OXSR1: variants seen among roughly 807,000 people sequenced by gnomAD.
The protein encoded by OXSR1 is oxidative stress responsive kinase 1.
In OXSR1, 24 loss-of-function variants were observed where a neutral mutation model predicts 79.8. The observed-to-expected ratio is 0.30, with a 90% CI of 0.22 to 0.42. The LOEUF (loss-of-function observed/expected upper bound fraction) is 0.42. Ranked by LOEUF, OXSR1 falls within the 10% of genes least tolerant of loss-of-function variation. OXSR1 has a pLI of 1.00. For missense variants in OXSR1, 430 were observed against 618.4 expected (o/e 0.70, Z 3.23); for synonymous variants, 226 against 209.2 (o/e 1.08, Z -0.69).
upstream of OXSR1, chr3:38,165,294 T>A (rs1193188708): frequency 6.5e-6 from 1 of 152,696 alleles, no homozygotes; most frequent in Non-Finnish European, 1.5e-5. Context: ...CCATGCTTAG[T>A]GTGGCTACTG....
At chr3:38,190,330 GA>G (rs1229718499) in intron 2 of OXSR1, among the ~76,000 whole-genome samples, 3 of 150,338 alleles carry the variant, frequency 2.0e-5, no homozygotes, top group East Asian at 2.0e-4. Flanking sequence ...ATTTTGCAAA[GA>G]AAAAAAAATC....
chr3:38,230,093 G>A (rs948758193), intron 9 of OXSR1, among the ~76,000 whole-genome samples: 2 of 152,126 alleles, frequency 1.3e-5, no homozygotes, highest in Non-Finnish European at 2.9e-5. Flanking sequence ...AGTTGGAAAT[G>A]TAGGACCATG....
At position 38,244,250 on chromosome 3, in the gene OXSR1, C is replaced by A. The variant is rs1262656282; in HGVS notation, c.1110+1472C>A. Among the ~76,000 whole-genome samples, 3 of 152,068 alleles carry A rather than the reference C, an allele frequency of 2.0e-5. No individual in the cohort carries two copies. In the East Asian group the frequency reaches 5.8e-4, roughly 29 times the overall value. ...ACTCTTGCATACTCATATTCTCATG[C>A]TCATTACTTTGTTTTTAAATTTGCG... is the stretch of plus-strand genomic sequence containing the variant. On this transcript the variant is annotated intron_variant, in intron 12 of 17. Coordinates refer to ENST00000311806, the MANE Select transcript of OXSR1 (RefSeq NM_005109.3).
chr3:38,173,347 T>C (rs1701619031), intron 1 of OXSR1, among the ~76,000 whole-genome samples: 1 of 152,214 alleles, frequency 6.6e-6, no homozygotes, highest in South Asian at 2.1e-4. Context: ...AGTTAATAAA[T>C]GTTAGCTTTA....
intron 3 of OXSR1, among the ~76,000 whole-genome samples, chr3:38,194,766 T>G (rs796768207): frequency 2.6e-5 from 4 of 152,076 alleles, no homozygotes; most frequent in African/African-American, 9.6e-5. Flanking sequence ...AAGCAAAGAC[T>G]CCCAAAATTA....
Position 38,165,741 on chromosome 3 carries a change from G to A in OXSR1, c.-136G>A. 1.3e-6 allele frequency: 1 copy of A among 749,958 alleles called. No homozygotes were observed. The highest frequency in any genetic ancestry group is 2.1e-6 in the Non-Finnish European group (1 of 473,268). The allele number at this position is 749,958 out of a possible 1,614,324, so 46.5% of individuals were successfully genotyped here. A position where few individuals can be genotyped will look rare whatever the true frequency, so the allele number is the denominator to read the frequency against. Reference sequence around the variant, plus strand: ...GTGACCCCGCGCCCCGGCGCCGTCCGACCCGTGGCTGTTCCGAGACGATTG... The same window carrying A: ...GTGACCCCGCGCCCCGGCGCCGTCCAACCCGTGGCTGTTCCGAGACGATTG... On this transcript the variant is annotated 5_prime_UTR_variant, in exon 1 of 18. Transcript: ENST00000311806.
At chr3:38,178,636 T>C (rs1701723274) in intron 1 of OXSR1, among the ~76,000 whole-genome samples, 2 of 141,630 alleles carry the variant, frequency 1.4e-5, no homozygotes, top group African/African-American at 5.2e-5. Context: ...TTTTTTTTTT[T>C]TTTTTCTTTT....
chr3:38,171,803 C>T (rs191930873), intron 1 of OXSR1, among the ~76,000 whole-genome samples: 5 of 152,072 alleles, frequency 3.3e-5, no homozygotes, highest in Non-Finnish European at 7.4e-5. Context: ...TTTTTGAGCC[C>T]TTAGTCTTAG....
intron 2 of OXSR1, among the ~76,000 whole-genome samples, chr3:38,185,311 A>G (rs1203192870): frequency 3.9e-5 from 6 of 152,322 alleles, no homozygotes; most frequent in Non-Finnish European, 8.8e-5. Context: ...AGGGCCAGGC[A>G]CAGTGGCTTA....
At chr3:38,252,206 G>A (rs1396308120) in intron 16 of OXSR1, 122 bp from the exon 17 acceptor site, 1 of 736,410 alleles carries the variant, frequency 1.4e-6, no homozygotes, top group Non-Finnish European at 2.5e-6. Context: ...TATTTGATCT[G>A]TCTGCTTCCA....
rs562047588 is a variant in OXSR1 at position 38,198,941 on chromosome 3, G to C, written c.434+78G>C. On this transcript the variant is annotated intron_variant, in intron 4 of 17. Transcript: ENST00000311806. ...ACTCTTTTACAGAATCGTGATCTCTGACTGTTATCATAGCTCTTTGTATCA... is the reference window on the plus strand; with the variant it reads ...ACTCTTTTACAGAATCGTGATCTCTCACTGTTATCATAGCTCTTTGTATCA... 2.3e-4 allele frequency: 280 copies of C among 1,239,584 alleles called. 1 individual carries two copies. The East Asian group carries it at 4.5e-3, about 20-fold the overall frequency. 76.8% of individuals were successfully genotyped at this position (1,239,584 alleles called of 1,614,324 possible). A position where few individuals can be genotyped will look rare whatever the true frequency, so the allele number is the denominator to read the frequency against.
intron 10 of OXSR1, among the ~76,000 whole-genome samples, chr3:38,235,177 A>G (rs1432949624): frequency 6.6e-6 from 1 of 152,228 alleles, no homozygotes; most frequent in Non-Finnish European, 1.5e-5. Context: ...TGATGGTTGC[A>G]CAACTTTGAA....
intron 11 of OXSR1, among the ~76,000 whole-genome samples, chr3:38,237,398 A>G (rs1221603611): frequency 6.6e-6 from 1 of 152,176 alleles, no homozygotes; most frequent in Non-Finnish European, 1.5e-5. Flanking sequence ...TGTTTCCTAA[A>G]AACAGTGAAG....
chr3:38,247,772 G>A (rs1212672531), intron 14 of OXSR1, 40 bp downstream of exon 14: 5 of 1,348,640 alleles, frequency 3.7e-6, no homozygotes, highest in Admixed American at 3.4e-5. Context: ...TTTGTTTTCT[G>A]AATATTCTGC....
intron 2 of OXSR1, among the ~76,000 whole-genome samples, chr3:38,188,476 C>T (rs1178231086): frequency 2.0e-5 from 3 of 152,186 alleles, no homozygotes; most frequent in Admixed American, 6.5e-5. Flanking sequence ...GTACAGTAAT[C>T]AGAACTGATA....
chr3:38,194,941 T>A (rs1467957204), intron 3 of OXSR1, among the ~76,000 whole-genome samples: 25 of 152,214 alleles, frequency 1.6e-4, no homozygotes, highest in Admixed American at 1.6e-3. Flanking sequence ...ATAGTGAGTG[T>A]CACTCTTACC....
At chr3:38,194,098 G>C (rs1702031971) in intron 3 of OXSR1, among the ~76,000 whole-genome samples, 2 of 152,122 alleles carry the variant, frequency 1.3e-5, no homozygotes, top group Non-Finnish European at 2.9e-5. Flanking sequence ...AATACTTATT[G>C]ATCTCCAGTA....
chr3:38,215,972 T>A, intron 4 of OXSR1, 124 bp from the exon 5 acceptor site: 1 of 667,920 alleles, frequency 1.5e-6, no homozygotes, highest in Admixed American at 2.9e-5. Flanking sequence ...TTAATATCCT[T>A]TAATATAAAA....
At chr3:38,231,428 A>G (rs905014015) in intron 10 of OXSR1, among the ~76,000 whole-genome samples, 1 of 152,014 alleles carries the variant, frequency 6.6e-6, no homozygotes, top group African/African-American at 2.4e-5. Context: ...ATTCTCATGG[A>G]TAGCTACTAG....
Sources: gnomAD v4.1 joint callset for allele counts (sites outside exome capture counted in the v4.1 genomes callset) on GRCh38, gnomAD v4.1.1 for gene constraint, MANE v1.5 for transcripts, NCBI Gene and HGNC (gene_info 2026-07-23, HGNC 2026-07-21) for gene names.